COPS2: variants seen among roughly 807,000 people sequenced by gnomAD.
The protein encoded by COPS2 is COP9 signalosome complex subunit 2.
Under a neutral mutation model 66.1 loss-of-function variants are expected in COPS2, and 10 were observed. That is an observed-to-expected ratio of 0.15 (90% confidence interval 0.09 to 0.26). The LOEUF is 0.26. Ranked by LOEUF, COPS2 falls within the 10% of genes least tolerant of loss-of-function variation. COPS2 has a pLI of 1.00. For missense variants in COPS2, 215 were observed against 513.3 expected (o/e 0.42, Z 5.62); for synonymous variants, 179 against 171.3 (o/e 1.04, Z -0.35).
At chr15:49,153,292 A>C (rs937254645) in intron 1 of COPS2, among the ~76,000 whole-genome samples, 2 of 149,564 alleles carry the variant, frequency 1.3e-5, no homozygotes, top group Non-Finnish European at 3.0e-5. Context: ...TAAATAAAGA[A>C]GACATACAAA....
intron 6 of COPS2, 68 bp from the exon 7 acceptor site, chr15:49,134,582 T>C: frequency 8.0e-7 from 1 of 1,242,456 alleles, no homozygotes. Context: ...TGCATTAGCC[T>C]GGAAATCTTA....
Position 49,123,509 on chromosome 15 carries a change from GTGA to G in COPS2, c.*4438_*4440del, listed in dbSNP as rs1268042173. The G allele has an allele frequency of 6.6e-6, 1 of 152,134 alleles. No individual in the cohort carries two copies. The allele number at this position is 152,134 out of a possible 1,614,324, so 9.4% of individuals were successfully genotyped here. ...ACTGGAAAATTACTGTGATAAACTG[GTGA>G]TGAATTTTGTACTCCCACAAGTATG... On this transcript the variant is annotated 3_prime_UTR_variant, in exon 13 of 13. Transcript: ENST00000388901.
rs1185525228 is a variant in COPS2, at chr15:49,124,980, T to C, written c.*2970A>G. On this transcript the variant is annotated 3_prime_UTR_variant, in exon 13 of 13. Coordinates refer to ENST00000388901, the MANE Select transcript of COPS2 (RefSeq NM_004236.4). ...CAAAAGCATACATACCTGTGTTTAC[T>C]GAAGAACTGTAACTATTGATTAAAA... 6.6e-6 allele frequency: 1 copy of C among 152,198 alleles called. No homozygotes were observed. Among genetic ancestry groups the C allele is most frequent in the Non-Finnish European group, 1.5e-5 (1 of 68,010 alleles). 9.4% of individuals were successfully genotyped at this position (152,198 alleles called of 1,614,324 possible).
chr15:49,137,064 C>T, intron 6 of COPS2, 86 bp downstream of exon 6: 1 of 785,432 alleles, frequency 1.3e-6, no homozygotes. Flanking sequence ...ACTAAAACAT[C>T]CCTAAACAAT....
At position 49,123,749 on chromosome 15, in the gene COPS2, A is replaced by G. The variant is rs571778344; in HGVS notation, c.*4201T>C. On this transcript the variant is annotated 3_prime_UTR_variant, in exon 13 of 13. Coordinates refer to ENST00000388901, the MANE Select transcript of COPS2 (RefSeq NM_004236.4). The stretch of plus-strand genomic sequence containing the variant: ...CTTTGATGCCGTAATATTTTTAACT[A>G]CTACAGGTAGTTTAGATATTATTAT... 3.3e-5 allele frequency: 5 copies of G among 152,314 alleles called. No individual in the cohort carries two copies. The highest frequency in any genetic ancestry group is 7.2e-5 in the African/African-American group (3 of 41,568). 9.4% of individuals were successfully genotyped at this position (152,314 alleles called of 1,614,324 possible).
At position 49,127,345 on chromosome 15, in the gene COPS2, T is replaced by G. The variant is rs1459415487; in HGVS notation, c.*605A>C. The stretch of plus-strand genomic sequence containing the variant: ...AATAAAAACACATCAAGAACCAAAC[T>G]ACAATTTCTGAGCTGCACTGTTTAT... On this transcript the variant is annotated 3_prime_UTR_variant, in exon 13 of 13. Coordinates refer to ENST00000388901, the MANE Select transcript of COPS2 (RefSeq NM_004236.4). 1 of 152,586 alleles carries G rather than the reference T, an allele frequency of 6.6e-6. No homozygotes were observed. Among genetic ancestry groups the G allele is most frequent in the Admixed American group, 6.5e-5 (1 of 15,276 alleles). The allele number at this position is 152,586 out of a possible 1,614,324, so 9.5% of individuals were successfully genotyped here. A position where few individuals can be genotyped will look rare whatever the true frequency, so the allele number is the denominator to read the frequency against.
chr15:49,130,525 T>C (rs1029410707), intron 10 of COPS2, among the ~76,000 whole-genome samples, 194 bp downstream of exon 10: 7 of 152,162 alleles, frequency 4.6e-5, no homozygotes, highest in African/African-American at 1.7e-4. Flanking sequence ...TATAGTAATA[T>C]GAAATTGGTC....
Position 49,134,036 on chromosome 15 carries a change from T to C in COPS2, c.788A>G (p.Lys263Arg), listed in dbSNP as rs1278623390. ...TGGACTTCCAGATTCATCATAATTCTTGAAGGCTTCAAAAAAATCAGTGTG... is the reference window on the plus strand; with the variant it reads ...TGGACTTCCAGATTCATCATAATTCCTGAAGGCTTCAAAAAAATCAGTGTG... The part of the protein sequence containing the change: ...KAHTDFFEAF[K>R]NYDESGSPRR... The change falls in exon 8 of 13, where the codon AAG becomes AGG. Residue 263 changes from lysine (K) to arginine (R), a missense_variant. Physicochemically the swap from Lys to Arg is conservative, Grantham distance 26. Coordinates refer to ENST00000388901, the MANE Select transcript of COPS2 (RefSeq NM_004236.4). 4 of 1,614,024 alleles carry C rather than the reference T, an allele frequency of 2.5e-6. No individual in the cohort carries two copies. The highest frequency in any genetic ancestry group is 3.4e-6 in the Non-Finnish European group (4 of 1,179,916).
chr15:49,135,646 A>T (rs1324372946), intron 6 of COPS2, among the ~76,000 whole-genome samples: 2 of 152,236 alleles, frequency 1.3e-5, no homozygotes, highest in Non-Finnish European at 2.9e-5. Flanking sequence ...TATGATCAAC[A>T]GGAAGATATT....
intron 12 of COPS2, 69 bp from the exon 13 acceptor site, chr15:49,128,163 C>T: frequency 6.8e-7 from 1 of 1,465,660 alleles, no homozygotes; most frequent in Non-Finnish European, 9.3e-7. Context: ...ATTAATGTTT[C>T]ATAAAATACA....
Position 49,125,795 on chromosome 15 carries a change from G to C in COPS2, c.*2155C>G, listed in dbSNP as rs1258749811. 6.6e-6 allele frequency: 1 copy of C among 152,066 alleles called. No homozygotes were observed. Among genetic ancestry groups the C allele is most frequent in the Non-Finnish European group, 1.5e-5 (1 of 67,946 alleles). 9.4% of individuals were successfully genotyped at this position (152,066 alleles called of 1,614,324 possible). On this transcript the variant is annotated 3_prime_UTR_variant, in exon 13 of 13. Transcript: ENST00000388901. Reference sequence around the variant, plus strand: ...AATAAATTATTATGGTATAACTTTGGATACTGTTATATATTTAGCCCAGTT... The same window carrying C: ...AATAAATTATTATGGTATAACTTTGCATACTGTTATATATTTAGCCCAGTT...
chr15:49,134,431 C>T lies in COPS2; in HGVS notation c.624G>A (p.Gln208=). 1.9e-6 allele frequency: 3 copies of T among 1,613,080 alleles called. No homozygotes were observed. Among genetic ancestry groups the T allele is most frequent in the Non-Finnish European group, 2.5e-6 (3 of 1,179,730 alleles). ...GTGCTTTAAGTTTTTTGTTATTTTTCTGTGCTGTGTACATTTGAATTTCCA... is the reference window on the plus strand; with the variant it reads ...GTGCTTTAAGTTTTTTGTTATTTTTTTGTGCTGTGTACATTTGAATTTCCA... ...YALEIQMYTA[Q]KNNKKLKALY... Residue 208 remains glutamine, a synonymous_variant, in exon 7 of 13, where the codon CAG becomes CAA. Transcript: ENST00000388901.
At chr15:49,133,557 C>CT (rs2084230553) in intron 9 of COPS2, among the ~76,000 whole-genome samples, 1 of 40,744 alleles carries the variant, frequency 2.5e-5, no homozygotes, top group Non-Finnish European at 1.0e-4. Flanking sequence ...AATAGGAAAA[C>CT]TAAGTAGATA....
chr15:49,150,132 C>T (rs2084348259), intron 1 of COPS2, among the ~76,000 whole-genome samples: 1 of 150,714 alleles, frequency 6.6e-6, no homozygotes, highest in Non-Finnish European at 1.5e-5. Flanking sequence ...TACTAAAATA[C>T]AAAAAATTAG....
At chr15:49,150,791 A>C (rs903727656) in intron 1 of COPS2, among the ~76,000 whole-genome samples, 3 of 152,150 alleles carry the variant, frequency 2.0e-5, no homozygotes, top group African/African-American at 7.2e-5. Flanking sequence ...CAGCAGAAAA[A>C]ATAACTATTG....
At chr15:49,132,601 T>G (rs1188027784) in intron 9 of COPS2, among the ~76,000 whole-genome samples, 1 of 148,566 alleles carries the variant, frequency 6.7e-6, no homozygotes, top group Non-Finnish European at 1.5e-5. Context: ...AAAGCCCTGC[T>G]TCATGTCCCT....
At chr15:49,153,444 C>T (rs1054314552) in intron 1 of COPS2, among the ~76,000 whole-genome samples, 1 of 152,100 alleles carries the variant, frequency 6.6e-6, no homozygotes, top group Non-Finnish European at 1.5e-5. Flanking sequence ...CAGAACTCTT[C>T]TACACTTTTG....
intron 1 of COPS2, 90 bp downstream of exon 1, chr15:49,155,435 G>T: frequency 8.4e-7 from 1 of 1,189,808 alleles, no homozygotes; most frequent in Non-Finnish European, 1.3e-6. Flanking sequence ...AACGGCACAT[G>T]CTCTACGGGG....
intron 1 of COPS2, among the ~76,000 whole-genome samples, chr15:49,150,913 A>C (rs2084355977): frequency 6.6e-6 from 1 of 152,184 alleles, no homozygotes; most frequent in Non-Finnish European, 1.5e-5. Flanking sequence ...AAAAGTTAAA[A>C]AAAATAAATA....
Sources: gnomAD v4.1 joint callset for allele counts (sites outside exome capture counted in the v4.1 genomes callset) on GRCh38, gnomAD v4.1.1 for gene constraint, MANE v1.5 for transcripts, NCBI Gene and HGNC (gene_info 2026-07-23, HGNC 2026-07-21) for gene names.